Variants in GALNT13 observed in about 807,000 individuals in gnomAD.
The protein encoded by GALNT13 is polypeptide N-acetylgalactosaminyltransferase 13, also known as UDP-GalNAc:polypeptide N-acetylgalactosaminyltransferase 13.
A neutral mutation model predicts 64.2 loss-of-function variants in GALNT13; 28 were observed. The observed-to-expected ratio is 0.44, with a 90% CI of 0.32 to 0.60. The LOEUF (loss-of-function observed/expected upper bound fraction) is 0.60, where lower values mean the gene tolerates loss of function less well. Among genes scored for constraint, GALNT13 ranks in the 20% least tolerant of loss-of-function variants. The pLI, the probability that GALNT13 is intolerant of heterozygous loss-of-function variation, is 0.05. For missense variants in GALNT13, 577 were observed against 669.8 expected (o/e 0.86, Z 1.53); for synonymous variants, 214 against 224.6 (o/e 0.95, Z 0.42).
At chr2:153,841,268 A>C in the GALNT13 span, among the ~76,000 whole-genome samples, 4 of 152,124 alleles carry the variant, frequency 2.6e-5, no homozygotes, top group Non-Finnish European at 5.9e-5. Flanking sequence ...TTTGTAAAAA[A>C]TTACCACCTT....
At chr2:153,256,678 A>T in the GALNT13 span, among the ~76,000 whole-genome samples, 1 of 151,968 alleles carries the variant, frequency 6.6e-6, no homozygotes, top group Admixed American at 6.6e-5. Flanking sequence ...TTTTCCTTCT[A>T]ACAGACATGC....
chr2:153,446,087 G>C, the GALNT13 span, among the ~76,000 whole-genome samples: 10 of 152,098 alleles, frequency 6.6e-5, no homozygotes, highest in Non-Finnish European at 1.0e-4. Context: ...TATTAAAAAA[G>C]AATTAGAGTC....
At chr2:153,415,463 G>T in the GALNT13 span, among the ~76,000 whole-genome samples, 1 of 152,166 alleles carries the variant, frequency 6.6e-6, no homozygotes, top group Non-Finnish European at 1.5e-5. Context: ...TGAAACCTTT[G>T]ATTCTGAAGG....
intron 9 of GALNT13, among the ~76,000 whole-genome samples, chr2:154,368,696 C>T (rs570904149): frequency 6.6e-6 from 1 of 152,028 alleles, no homozygotes; most frequent in Non-Finnish European, 1.5e-5. Flanking sequence ...TTTCTTATTA[C>T]TAAAATGAAG....
the GALNT13 span, among the ~76,000 whole-genome samples, chr2:153,451,896 T>C: frequency 6.6e-6 from 1 of 152,188 alleles, no homozygotes; most frequent in African/African-American, 2.4e-5. Flanking sequence ...TTCCTGGGAC[T>C]GAGTGGAGGA....
chr2:153,719,492 A>C, the GALNT13 span, among the ~76,000 whole-genome samples: 1 of 152,188 alleles, frequency 6.6e-6, no homozygotes, highest in Non-Finnish European at 1.5e-5. Context: ...TCCGGTCTAC[A>C]GCTCCCAGCT....
the GALNT13 span, among the ~76,000 whole-genome samples, chr2:153,104,051 T>C: frequency 6.6e-6 from 1 of 152,182 alleles, no homozygotes; most frequent in South Asian, 2.1e-4. Context: ...TTATATCCCC[T>C]ACAACACTTA....
the GALNT13 span, among the ~76,000 whole-genome samples, chr2:153,532,862 C>T: frequency 6.6e-6 from 1 of 152,154 alleles, no homozygotes; most frequent in Non-Finnish European, 1.5e-5. Flanking sequence ...TACCTTTGCT[C>T]CAGTTCCCAA....
intron 6 of GALNT13, among the ~76,000 whole-genome samples, chr2:154,244,926 A>G (rs1408925742): frequency 6.6e-6 from 1 of 151,748 alleles, no homozygotes; most frequent in African/African-American, 2.4e-5. Flanking sequence ...TTCGAGACCA[A>G]CCTAGCCAAC....
intron 1 of GALNT13, among the ~76,000 whole-genome samples, chr2:153,873,535 GA>G (rs1421659536): frequency 6.6e-6 from 1 of 152,206 alleles, no homozygotes; most frequent in Non-Finnish European, 1.5e-5. Flanking sequence ...AACTAACCTC[GA>G]AAGGGTGGGA....
At chr2:153,688,522 T>G in the GALNT13 span, among the ~76,000 whole-genome samples, 1 of 152,054 alleles carries the variant, frequency 6.6e-6, no homozygotes, top group Non-Finnish European at 1.5e-5. Context: ...GAAATTTTAC[T>G]TAGTGAACAT....
chr2:153,124,985 T>A, the GALNT13 span, among the ~76,000 whole-genome samples: 1 of 152,228 alleles, frequency 6.6e-6, no homozygotes, highest in Non-Finnish European at 1.5e-5. Flanking sequence ...GTTGTATTAA[T>A]AGCTTGCCCA....
chr2:154,101,548 C>A lies in GALNT13; in HGVS notation c.143-38789C>A, dbSNP rs574627596. 1.6e-4 allele frequency among the ~76,000 whole-genome samples: 25 copies of A among 152,102 alleles called. No homozygotes were observed. In the South Asian group the frequency reaches 4.3e-3, roughly 26 times the overall value. On this transcript the variant is annotated intron_variant, in intron 3 of 12. Coordinates refer to ENST00000392825, the MANE Select transcript of GALNT13 (RefSeq NM_052917.4). ...CTTATTTGAATTTTGTCTCTTTTAT[C>A]TGTAGTTAATCTAGCTTGTAGTCTA...
rs184423819 is a variant in GALNT13, at chr2:154,140,525, A to T, written c.311+20A>T. On this transcript the variant is annotated intron_variant, in intron 4 of 12. Transcript: ENST00000392825. ...AGAAGGGTAAGTTTGCATTTGTTATATAATCTTTTATATTCATAATCACCA... is the reference window on the plus strand; with the variant it reads ...AGAAGGGTAAGTTTGCATTTGTTATTTAATCTTTTATATTCATAATCACCA... The T allele has an allele frequency of 2.7e-6, 4 of 1,500,706 alleles. No individual in the cohort carries two copies. The South Asian group carries it at 4.6e-5, about 17-fold the overall frequency. 93.0% of individuals were successfully genotyped at this position (1,500,706 alleles called of 1,614,324 possible).
intron 1 of GALNT13, among the ~76,000 whole-genome samples, chr2:153,879,977 GACAAGAA>G (rs1686671227): frequency 6.6e-6 from 1 of 152,060 alleles, no homozygotes; most frequent in Non-Finnish European, 1.5e-5. Context: ...TAATGTTGCA[GACAAGAA>G]TATTTTTAAA....
the GALNT13 span, among the ~76,000 whole-genome samples, chr2:153,777,490 C>G: frequency 6.6e-4 from 100 of 152,246 alleles, no homozygotes; most frequent in Non-Finnish European, 1.1e-3. Context: ...GGTCATGAGG[C>G]CTCCATCAAT....
the GALNT13 span, among the ~76,000 whole-genome samples, chr2:153,382,666 A>G: frequency 6.6e-6 from 1 of 151,916 alleles, no homozygotes; most frequent in Non-Finnish European, 1.5e-5. Context: ...CAAGTTTTTT[A>G]TTTTTTACTG....
At chr2:153,826,369 A>G in the GALNT13 span, among the ~76,000 whole-genome samples, 64,193 of 152,046 alleles carry the variant, frequency 0.42, 14,534 homozygotes, top group Admixed American at 0.58. Flanking sequence ...TCTTCTCATG[A>G]CCCAGTTATT....
intron 9 of GALNT13, among the ~76,000 whole-genome samples, chr2:154,383,910 T>C (rs1484175953): frequency 6.6e-6 from 1 of 151,772 alleles, no homozygotes; most frequent in Non-Finnish European, 1.5e-5. Context: ...TATATATGTG[T>C]GTCAGAGAGA....
Sources: gnomAD v4.1 joint callset for allele counts (sites outside exome capture counted in the v4.1 genomes callset) on GRCh38, gnomAD v4.1.1 for gene constraint, MANE v1.5 for transcripts, NCBI Gene and HGNC (gene_info 2026-07-23, HGNC 2026-07-21) for gene names.